The following SUGCT variants were observed in gnomAD, a reference collection of about 807,000 sequenced individuals.
SUGCT encodes succinyl-CoA:glutarate CoA-transferase.
In SUGCT, 41 loss-of-function variants were observed where a neutral mutation model predicts 55.0. The observed-to-expected ratio is 0.74, with a 90% CI of 0.58 to 0.97. SUGCT has a LOEUF of 0.97. SUGCT is among the 50% of genes least tolerant of loss of function. The pLI, the probability that SUGCT is intolerant of heterozygous loss-of-function variation, is 0.00. For missense variants in SUGCT, 568 were observed against 547.8 expected, an observed-to-expected ratio of 1.04 and a Z score of -0.37; for synonymous variants, 187 against 200.4, an observed-to-expected ratio of 0.93 and a Z score of 0.56.
chr7:40,572,543 G>GA (rs1242094069), intron 12 of SUGCT, among the ~76,000 whole-genome samples: 1 of 152,046 alleles, frequency 6.6e-6, no homozygotes, highest in Non-Finnish European at 1.5e-5. Flanking sequence ...AGCAAGTAGT[G>GA]AAAATTATGT....
chr7:40,590,906 A>AG (rs2151732932), intron 12 of SUGCT, among the ~76,000 whole-genome samples: 1 of 152,352 alleles, frequency 6.6e-6, no homozygotes, highest in Non-Finnish European at 1.5e-5. Flanking sequence ...CCTAGTGCTC[A>AG]GAAAAAAAAA....
In SUGCT at chr7:40,468,169, G is replaced by A. The variant is rs1457000985; in HGVS notation, c.986+8971G>A. ...CCTTAATTGCTACCCTGTGTTAATA[G>A]CCTCCACGAAAAGCTTCAGCCCATA... On this transcript the variant is annotated intron_variant, in intron 11 of 13. Transcript: ENST00000335693. Among the ~76,000 whole-genome samples the A allele has an allele frequency of 3.3e-5, 5 of 151,906 alleles. No homozygotes were observed. The South Asian group carries it at 8.3e-4, about 25-fold the overall frequency.
chr7:40,946,437 CAAG>C, the SUGCT span, among the ~76,000 whole-genome samples: 2 of 152,108 alleles, frequency 1.3e-5, no homozygotes, highest in Admixed American at 6.6e-5. Context: ...GGTAATGTTC[CAAG>C]AAGGAGTACA....
intron 12 of SUGCT, among the ~76,000 whole-genome samples, chr7:40,640,741 G>A (rs985077134): frequency 1.3e-5 from 2 of 152,138 alleles, no homozygotes; most frequent in Non-Finnish European, 2.9e-5. Context: ...TTTGTTAGTT[G>A]TATACATTTC....
At chr7:40,334,407 G>A (rs1003823286) in intron 9 of SUGCT, among the ~76,000 whole-genome samples, 1 of 152,126 alleles carries the variant, frequency 6.6e-6, no homozygotes, top group Non-Finnish European at 1.5e-5. Flanking sequence ...TCCTCTCCCA[G>A]CACCTGTTGT....
At chr7:40,645,129 T>C (rs1800440705) in intron 12 of SUGCT, among the ~76,000 whole-genome samples, 1 of 152,218 alleles carries the variant, frequency 6.6e-6, no homozygotes, top group East Asian at 1.9e-4. Context: ...AGTCAGCACC[T>C]ACCTCGCGGG....
intron 13 of SUGCT, among the ~76,000 whole-genome samples, chr7:40,794,018 A>G (rs1042969998): frequency 1.3e-5 from 2 of 151,488 alleles, no homozygotes; most frequent in African/African-American, 4.8e-5. Flanking sequence ...TTATAGAGTG[A>G]TTTTTTTTCT....
intron 12 of SUGCT, among the ~76,000 whole-genome samples, chr7:40,683,726 C>A (rs184025915): frequency 6.6e-6 from 1 of 152,302 alleles, no homozygotes; most frequent in African/African-American, 2.4e-5. Flanking sequence ...TATTAAGTGT[C>A]AACATTCACT....
At chr7:40,303,979 G>A (rs1794696505) in intron 8 of SUGCT, among the ~76,000 whole-genome samples, 1 of 151,276 alleles carries the variant, frequency 6.6e-6, no homozygotes, top group African/African-American at 2.4e-5. Context: ...AACTCGGGAG[G>A]TGGAGGTTGC....
At chr7:40,626,925 T>A (rs1799554891) in intron 12 of SUGCT, among the ~76,000 whole-genome samples, 1 of 152,242 alleles carries the variant, frequency 6.6e-6, no homozygotes, top group Admixed American at 6.5e-5. Context: ...ACCGAGTATT[T>A]GTTCAAAACA....
Position 40,660,447 on chromosome 7 carries a change from C to T in SUGCT, c.1090-88987C>T, listed in dbSNP as rs908314543. Among the ~76,000 whole-genome samples, 19 of 152,104 alleles carry T rather than the reference C, an allele frequency of 1.2e-4. No homozygotes were observed. The South Asian group carries it at 1.5e-3, about 12-fold the overall frequency. ...CTAATTTTTGTATTTTTAGTAGAGA[C>T]GGGGTTTCACCATGTTGGTCAGGCT... is the stretch of plus-strand genomic sequence containing the variant. On this transcript the variant is annotated intron_variant, in intron 12 of 13. Transcript: ENST00000335693.
chr7:40,499,079 G>T, intron 12 of SUGCT: 1 of 456,654 alleles, frequency 2.2e-6, no homozygotes. Flanking sequence ...GCATGGAAAC[G>T]GCCACTTCTG....
intron 1 of SUGCT, among the ~76,000 whole-genome samples, chr7:40,162,838 G>T (rs1286569919): frequency 6.6e-6 from 1 of 152,174 alleles, no homozygotes; most frequent in East Asian, 1.9e-4. Context: ...TAAAAGGACA[G>T]TGAAACAGTC....
chr7:40,539,973 C>T (rs1794587190), intron 12 of SUGCT, among the ~76,000 whole-genome samples: 1 of 152,132 alleles, frequency 6.6e-6, no homozygotes, highest in Non-Finnish European at 1.5e-5. Context: ...AACATTATCC[C>T]TATATACTGG....
At chr7:40,258,954 T>C (rs949537863) in intron 7 of SUGCT, among the ~76,000 whole-genome samples, 3 of 152,214 alleles carry the variant, frequency 2.0e-5, no homozygotes, top group Non-Finnish European at 2.9e-5. Context: ...ACATGGTATA[T>C]ATACGTAATG....
At chr7:40,914,520 T>C in the SUGCT span, among the ~76,000 whole-genome samples, 1 of 152,290 alleles carries the variant, frequency 6.6e-6, no homozygotes, top group Non-Finnish European at 1.5e-5. Flanking sequence ...TTAAAAACTT[T>C]ACCACGGATA....
chr7:40,727,628 A>G (rs1786675648), intron 12 of SUGCT, among the ~76,000 whole-genome samples: 1 of 152,166 alleles, frequency 6.6e-6, no homozygotes, highest in African/African-American at 2.4e-5. Context: ...AGTTTTTCAA[A>G]CTTTGATCTT....
chr7:40,758,758 A>T (rs575407941), intron 13 of SUGCT, among the ~76,000 whole-genome samples: 108 of 152,082 alleles, frequency 7.1e-4, no homozygotes, highest in Non-Finnish European at 1.4e-3. Flanking sequence ...TTCTAATACC[A>T]CATAGGAAGG....
At chr7:40,711,257 A>T (rs192104681) in intron 12 of SUGCT, among the ~76,000 whole-genome samples, 37 of 152,344 alleles carry the variant, frequency 2.4e-4, no homozygotes, top group Non-Finnish European at 4.7e-4. Flanking sequence ...CATGCCTGTA[A>T]TCCCAGCACT....
Sources: allele counts gnomAD v4.1 joint callset (sites outside exome capture counted in the v4.1 genomes callset), GRCh38; gene constraint gnomAD v4.1.1; transcripts MANE v1.5; gene names NCBI Gene and HGNC (gene_info 2026-07-23, HGNC 2026-07-21).